FAM167A: variants seen among roughly 807,000 people sequenced by gnomAD.
The protein encoded by FAM167A is protein FAM167A.
In FAM167A, 23 loss-of-function variants were observed where a neutral mutation model predicts 14.9. The ratio of observed to expected loss-of-function variants is 1.55; its 90% CI spans 1.11 to 2.19. The LOEUF (loss-of-function observed/expected upper bound fraction) is 2.19, where lower values mean the gene tolerates loss of function less well. Ranked by LOEUF, FAM167A falls within the 30% of genes most tolerant of loss-of-function variation. FAM167A has a pLI of 0.00. For missense variants in FAM167A, 401 were observed against 281.5 expected, an observed-to-expected ratio of 1.42 and a Z score of -3.04; for synonymous variants, 174 against 117.7, an observed-to-expected ratio of 1.48 and a Z score of -3.10.
chr8:11,435,911 C>A (rs1351329711), intron 2 of FAM167A, among the ~76,000 whole-genome samples: 1 of 152,248 alleles, frequency 6.6e-6, no homozygotes, highest in Non-Finnish European at 1.5e-5. Context: ...TCCACCATAT[C>A]CCGTCTTCAT....
At chr8:11,436,115 C>T (rs138747031) in intron 2 of FAM167A, among the ~76,000 whole-genome samples, 59 of 152,358 alleles carry the variant, frequency 3.9e-4, no homozygotes, top group Non-Finnish European at 6.0e-4. Flanking sequence ...CTGCCTGTCA[C>T]ACGTCACCAA....
At chr8:11,438,483 C>T (rs578247671) in intron 2 of FAM167A, 7 of 457,382 alleles carry the variant, frequency 1.5e-5, no homozygotes, top group South Asian at 7.7e-5. Context: ...ATACCGATTA[C>T]ATTGGCAAGG....
At chr8:11,457,609 G>A (rs537047326) in intron 1 of FAM167A, among the ~76,000 whole-genome samples, 14 of 152,258 alleles carry the variant, frequency 9.2e-5, no homozygotes, top group African/African-American at 3.4e-4. Context: ...TCAGAGCAGT[G>A]CCCGGCACAC....
upstream of FAM167A, among the ~76,000 whole-genome samples, chr8:11,467,926 A>C (rs933498272): frequency 6.6e-6 from 1 of 152,228 alleles, no homozygotes; most frequent in Admixed American, 6.5e-5. Flanking sequence ...GGGTGTATTA[A>C]CAAGCATCTT....
In FAM167A at chr8:11,424,327, A is replaced by C. The variant is rs1804975487; in HGVS notation, c.*46T>G. 6.2e-7 allele frequency: 1 copy of C among 1,604,758 alleles called. No individual in the cohort carries two copies. Among genetic ancestry groups the C allele is most frequent in the Non-Finnish European group, 8.5e-7 (1 of 1,173,158 alleles). On this transcript the variant is annotated 3_prime_UTR_variant, in exon 3 of 3. Coordinates refer to ENST00000284486, the MANE Select transcript of FAM167A (RefSeq NM_053279.3). The stretch of plus-strand genomic sequence containing the variant: ...CCTCAGCTTCCTCTGACACCCCTCC[A>C]GCCCAAGCCCTCCGCTCCAGCCCCT...
In FAM167A at chr8:11,423,963, T is replaced by TC. The variant is rs774384939; in HGVS notation, c.*409dup. On this transcript the variant is annotated 3_prime_UTR_variant, in exon 3 of 3. Transcript: ENST00000284486. ...ACAGGCACATCTGACATGCCTAATT[T>TC]CCCCCAAGGCCCTTGCGGGACAGCC... is the stretch of plus-strand genomic sequence containing the variant. The TC allele has an allele frequency of 4.0e-4, 80 of 199,680 alleles. No homozygotes were observed. Among genetic ancestry groups the TC allele is most frequent in the Non-Finnish European group, 2.8e-4 (27 of 96,636 alleles). The allele number at this position is 199,680 out of a possible 1,614,324, so 12.4% of individuals were successfully genotyped here. A position where few individuals can be genotyped will look rare whatever the true frequency, so the allele number is the denominator to read the frequency against.
intron 2 of FAM167A, among the ~76,000 whole-genome samples, chr8:11,442,187 G>A (rs529151701): frequency 6.6e-6 from 1 of 152,324 alleles, no homozygotes; most frequent in East Asian, 1.9e-4. Flanking sequence ...CGCTTGGCCA[G>A]CACACTGGGC....
chr8:11,435,255 C>T (rs1372039130), intron 2 of FAM167A, among the ~76,000 whole-genome samples: 3 of 152,342 alleles, frequency 2.0e-5, no homozygotes, highest in East Asian at 3.9e-4. Flanking sequence ...CAGCCTTTGT[C>T]CCTCTCCCTG....
intron 1 of FAM167A, among the ~76,000 whole-genome samples, chr8:11,457,641 CTGAG>C (rs1807386210): frequency 6.6e-6 from 1 of 152,156 alleles, no homozygotes; most frequent in Non-Finnish European, 1.5e-5. Context: ...AGGAAACTTG[CTGAG>C]TAAGAGAGTG....
chr8:11,444,731 G>A lies in FAM167A; in HGVS notation c.-320C>T, dbSNP rs533209230. On this transcript the variant is annotated 5_prime_UTR_variant, in exon 2 of 3. Coordinates refer to ENST00000284486, the MANE Select transcript of FAM167A (RefSeq NM_053279.3). Reference sequence around the variant, plus strand: ...GCCTGTGCCAAGGTCTATCTGTCCTGAACGCACTCGAAGACCAGACTGGCA... The same window carrying A: ...GCCTGTGCCAAGGTCTATCTGTCCTAAACGCACTCGAAGACCAGACTGGCA... 24 of 1,092,288 alleles carry A rather than the reference G, an allele frequency of 2.2e-5. No individual in the cohort carries two copies. The highest frequency in any genetic ancestry group is 4.1e-5 in the South Asian group (1 of 24,618). The allele number at this position is 1,092,288 out of a possible 1,614,324, so 67.7% of individuals were successfully genotyped here.
rs1056281130 is a variant in FAM167A at position 11,421,578 on chromosome 8, C to T, written c.*2795G>A. 1 of 397,650 alleles carries T rather than the reference C, an allele frequency of 2.5e-6. No individual in the cohort carries two copies. Among genetic ancestry groups the T allele is most frequent in the African/African-American group, 2.1e-5 (1 of 48,596 alleles). The allele number at this position is 397,650 out of a possible 1,614,324, so 24.6% of individuals were successfully genotyped here. A position where few individuals can be genotyped will look rare whatever the true frequency, so the allele number is the denominator to read the frequency against. On this transcript the variant is annotated 3_prime_UTR_variant, in exon 3 of 3. Coordinates refer to ENST00000284486, the MANE Select transcript of FAM167A (RefSeq NM_053279.3). ...CATAAAAAATAAAAGTATAAATCGT[C>T]CATTGATTATGTAATAGCACTTGGT...
intron 1 of FAM167A, among the ~76,000 whole-genome samples, chr8:11,460,244 TG>T (rs1159078672): frequency 1.3e-5 from 2 of 152,230 alleles, no homozygotes; most frequent in Non-Finnish European, 2.9e-5. Context: ...GCCTCCTGCC[TG>T]GGGTCCCAGC....
intron 1 of FAM167A, among the ~76,000 whole-genome samples, chr8:11,457,348 C>T (rs1807376703): frequency 6.6e-6 from 1 of 151,946 alleles, no homozygotes; most frequent in Non-Finnish European, 1.5e-5. Flanking sequence ...GCAGTCTCTT[C>T]TGAAGGACAT....
chr8:11,426,844 T>A (rs1277182718), intron 2 of FAM167A, among the ~76,000 whole-genome samples: 1 of 152,204 alleles, frequency 6.6e-6, no homozygotes, highest in Non-Finnish European at 1.5e-5. Context: ...TGAATCTGCA[T>A]TTTTATAGAA....
chr8:11,443,458 G>T (rs1338068779), intron 2 of FAM167A, among the ~76,000 whole-genome samples: 1 of 152,130 alleles, frequency 6.6e-6, no homozygotes, highest in East Asian at 1.9e-4. Context: ...CCCCAGGCAG[G>T]ACCCATCCCG....
At chr8:11,464,742 C>T (rs570214072) in intron 1 of FAM167A, among the ~76,000 whole-genome samples, 2 of 152,322 alleles carry the variant, frequency 1.3e-5, no homozygotes, top group South Asian at 4.1e-4. Context: ...ACCGGGGCTC[C>T]TGTAGGGCCA....
intron 1 of FAM167A, chr8:11,445,296 C>T: frequency 3.0e-6 from 3 of 985,906 alleles, no homozygotes; most frequent in Non-Finnish European, 3.6e-6. Context: ...TGGGTCTGCT[C>T]CGTCCAGGTG....
At chr8:11,467,461 G>A (rs1807818768), upstream of FAM167A, 1 of 152,594 alleles carries the variant, frequency 6.6e-6, no homozygotes, top group Admixed American at 6.5e-5. Flanking sequence ...CTGACGAGGG[G>A]CCCAGGCCAG....
At position 11,438,046 on chromosome 8, in the gene FAM167A, T is replaced by C. The variant is rs955994595; in HGVS notation, c.381+5985A>G. On this transcript the variant is annotated intron_variant, in intron 2 of 2. Coordinates refer to ENST00000284486, the MANE Select transcript of FAM167A (RefSeq NM_053279.3). ...CCTGTCTTCTCCTTCGAAGGGAAACTTCACAAAGACAGGAGCCCTGACCCA... is the reference window on the plus strand; with the variant it reads ...CCTGTCTTCTCCTTCGAAGGGAAACCTCACAAAGACAGGAGCCCTGACCCA... 10 of 398,092 alleles carry C rather than the reference T, an allele frequency of 2.5e-5. No individual in the cohort carries two copies. In the East Asian group the frequency reaches 6.7e-4, roughly 27 times the overall value. The allele number at this position is 398,092 out of a possible 1,614,324, so 24.7% of individuals were successfully genotyped here.
Sources: allele counts gnomAD v4.1 joint callset (sites outside exome capture counted in the v4.1 genomes callset), GRCh38; gene constraint gnomAD v4.1.1; transcripts MANE v1.5; gene names NCBI Gene and HGNC (gene_info 2026-07-23, HGNC 2026-07-21).